The following ZBTB37 variants were observed in gnomAD, a reference collection of about 807,000 sequenced individuals.
The protein encoded by ZBTB37 is zinc finger and BTB domain-containing protein 37.
ZBTB37 carries 15 observed loss-of-function variants against 37.7 expected under a neutral mutation model. The observed-to-expected ratio is 0.40, with a 90% CI of 0.27 to 0.61. The LOEUF is 0.61. Ranked by LOEUF, ZBTB37 falls within the 20% of genes least tolerant of loss-of-function variation. The probability of loss-of-function intolerance (pLI) is 0.44; values close to 1 mark genes in which losing one functional copy is unlikely to be tolerated. For missense variants in ZBTB37, 514 were observed against 641.9 expected (o/e 0.80, Z 2.15); for synonymous variants, 231 against 220.6 (o/e 1.05, Z -0.42).
intron 4 of ZBTB37, among the ~76,000 whole-genome samples, chr1:173,879,810 G>A (rs893594699): frequency 6.6e-5 from 10 of 152,106 alleles, no homozygotes; most frequent in Non-Finnish European, 1.2e-4. Flanking sequence ...CATTAGCCAG[G>A]CATGGTGGTG....
intron 4 of ZBTB37, among the ~76,000 whole-genome samples, chr1:173,878,880 GA>G (rs1656130847): frequency 6.6e-6 from 1 of 152,026 alleles, no homozygotes; most frequent in Non-Finnish European, 1.5e-5. Context: ...CATCAGGAGT[GA>G]GGTTCAAGAC....
At chr1:173,882,753 G>T (rs1387602241) in intron 4 of ZBTB37, among the ~76,000 whole-genome samples, 1 of 152,058 alleles carries the variant, frequency 6.6e-6, no homozygotes, top group Non-Finnish European at 1.5e-5. Context: ...ATTAATTTTT[G>T]TATAAGGTGT....
At chr1:173,869,671 A>G (rs1011794149) in intron 2 of ZBTB37, among the ~76,000 whole-genome samples, 1 of 152,166 alleles carries the variant, frequency 6.6e-6, no homozygotes, top group African/African-American at 2.4e-5. Context: ...CTGATTCTTA[A>G]GCTTAGAAAT....
chr1:173,869,284 C>T (rs976931297), intron 2 of ZBTB37, among the ~76,000 whole-genome samples, 164 bp downstream of exon 2: 1 of 152,140 alleles, frequency 6.6e-6, no homozygotes, highest in Admixed American at 6.5e-5. Flanking sequence ...GCACATTGGG[C>T]TTAAGTAAAT....
At chr1:173,889,940 T>C (rs1322776), downstream of ZBTB37, 14,220 of 152,292 alleles carry the variant, frequency 0.093, 890 homozygotes, top group East Asian at 0.24. Flanking sequence ...GGTTTGAAGA[T>C]AGAAAAAACT....
intron 4 of ZBTB37, among the ~76,000 whole-genome samples, chr1:173,881,780 C>T (rs181562446): frequency 2.0e-5 from 3 of 152,068 alleles, no homozygotes; most frequent in South Asian, 2.1e-4. Context: ...TTCGGCCGGG[C>T]GTGGTGGCTC....
chr1:173,890,428 G>A (rs1470189273), downstream of ZBTB37: 1 of 152,080 alleles, frequency 6.6e-6, no homozygotes, highest in Non-Finnish European at 1.5e-5. Flanking sequence ...GGTACAAGAG[G>A]CATGATTTTT....
chr1:173,870,201 G>A (rs763748921), exon 3 of ZBTB37: 4 of 1,572,884 alleles, frequency 2.5e-6, no homozygotes, highest in Non-Finnish European at 3.5e-6. Context: ...TTTCAGCAGG[G>A]TTGAATGCAC....
At chr1:173,899,005 A>G (rs1338925401) in exon 4 of ZBTB37, 2 of 152,214 alleles carry the variant, frequency 1.3e-5, no homozygotes, top group South Asian at 2.1e-4. Context: ...GAACTAGCTG[A>G]TAAGTATTTA....
chr1:173,870,018 AACTT>A (rs1330780825), intron 2 of ZBTB37, among the ~76,000 whole-genome samples, 178 bp from the exon 3 acceptor site: 1 of 152,204 alleles, frequency 6.6e-6, no homozygotes, highest in Non-Finnish European at 1.5e-5. Context: ...CCTCCTGTGA[AACTT>A]AAACTGAAAA....
At chr1:173,881,590 A>G (rs1025389898) in intron 4 of ZBTB37, among the ~76,000 whole-genome samples, 21 of 152,114 alleles carry the variant, frequency 1.4e-4, no homozygotes, top group African/African-American at 4.6e-4. Flanking sequence ...AAGTGTTCCT[A>G]TTTCTCCACA....
intron 4 of ZBTB37, among the ~76,000 whole-genome samples, chr1:173,883,892 AG>A (rs1249448021): frequency 6.6e-6 from 1 of 152,188 alleles, no homozygotes; most frequent in Non-Finnish European, 1.5e-5. Flanking sequence ...TAGGGGAAAA[AG>A]TACCGGCACA....
At chr1:173,886,401 G>A in exon 5 of ZBTB37, 1 of 418,022 alleles carries the variant, frequency 2.4e-6, no homozygotes, top group Non-Finnish European at 4.2e-6. Flanking sequence ...TAAGAAAAAA[G>A]GTTTTTTAAC....
exon 5 of ZBTB37, chr1:173,886,307 T>G (rs777594233): frequency 1.5e-5 from 13 of 875,962 alleles, no homozygotes; most frequent in Non-Finnish European, 2.2e-5. Flanking sequence ...CCTCCCTTCT[T>G]ATTGCCCGCC....
At chr1:173,878,463 G>A (rs944383475) in intron 4 of ZBTB37, among the ~76,000 whole-genome samples, 11 of 152,096 alleles carry the variant, frequency 7.2e-5, no homozygotes, top group East Asian at 3.9e-4. Context: ...CTATGTTACA[G>A]AATGATTAGA....
chr1:173,881,589 T>A (rs995769219), intron 4 of ZBTB37, among the ~76,000 whole-genome samples: 27 of 152,226 alleles, frequency 1.8e-4, no homozygotes, highest in Non-Finnish European at 2.6e-4. Context: ...AAAGTGTTCC[T>A]ATTTCTCCAC....
exon 4 of ZBTB37, chr1:173,894,027 A>G (rs576504588): frequency 6.6e-6 from 1 of 152,244 alleles, no homozygotes; most frequent in African/African-American, 2.4e-5. Flanking sequence ...CAGGAACAGT[A>G]CTGCTTTTTG....
chr1:173,901,191 A>G (rs373119064), exon 4 of ZBTB37: 1 of 143,782 alleles, frequency 7.0e-6, no homozygotes, highest in Non-Finnish European at 1.5e-5. Flanking sequence ...GAGTACTACT[A>G]TTTCACCACC....
chr1:173,885,680 T>G lies in ZBTB37; in HGVS notation c.1068T>G (p.Tyr356Ter). The change falls in exon 5 of 5, where the codon TAT (tyrosine) becomes TAG (stop). Residue 356 changes from tyrosine (Y) to a stop codon, truncating the protein, a stop_gained. Transcript: ENST00000427304. LOFTEE classifies it high-confidence loss of function. ...TGGGAGTAAGTGGCTATGTGGAGTATCTCCGAGAGCAGGAAGTATCTGAGC... is the reference window on the plus strand; with the variant it reads ...TGGGAGTAAGTGGCTATGTGGAGTAGCTCCGAGAGCAGGAAGTATCTGAGC... 3 of 1,552,094 alleles carry G rather than the reference T, an allele frequency of 1.9e-6. No individual in the cohort carries two copies. The highest frequency in any genetic ancestry group is 2.6e-6 in the Non-Finnish European group (3 of 1,147,086).
Sources: allele counts gnomAD v4.1 joint callset (sites outside exome capture counted in the v4.1 genomes callset), GRCh38; gene constraint gnomAD v4.1.1; transcripts MANE v1.5; gene names NCBI Gene and HGNC (gene_info 2026-07-23, HGNC 2026-07-21).